The following P2RX6 variants were observed in gnomAD, a reference collection of about 807,000 sequenced individuals.
P2RX6 encodes the protein P2X purinoceptor 6.
A neutral mutation model predicts 54.2 loss-of-function variants in P2RX6; 62 were observed. The ratio of observed to expected loss-of-function variants is 1.14; its 90% CI spans 0.93 to 1.41. The LOEUF (loss-of-function observed/expected upper bound fraction) is 1.41. Among genes scored for constraint, P2RX6 ranks in the 40% most tolerant of loss-of-function variants. P2RX6 has a pLI of 0.00. For synonymous variants in P2RX6, 211 were observed against 231.9 expected, an observed-to-expected ratio of 0.91 and a Z score of 0.82; for missense variants, 541 against 566.3, an observed-to-expected ratio of 0.96 and a Z score of 0.45.
At chr22:21,020,643 T>A (rs1251848029) in intron 3 of P2RX6, among the ~76,000 whole-genome samples, 2 of 145,846 alleles carry the variant, frequency 1.4e-5, no homozygotes, top group Non-Finnish European at 3.0e-5. Flanking sequence ...CAGGCTGGAG[T>A]GCAGTGGCGT....
At chr22:21,023,959 G>T (rs1398314433) in intron 8 of P2RX6, among the ~76,000 whole-genome samples, 16 of 142,366 alleles carry the variant, frequency 1.1e-4, no homozygotes, top group South Asian at 2.2e-4. Context: ...CTTCAGCTTT[G>T]TTTTTTTTTT....
At chr22:21,011,796 A>G (rs1778171604), upstream of P2RX6, among the ~76,000 whole-genome samples, 1 of 152,060 alleles carries the variant, frequency 6.6e-6, no homozygotes, top group Non-Finnish European at 1.5e-5. Context: ...TGTGCCCACC[A>G]GCTTCTGTGT....
chr22:21,022,129 A>T (rs902268438), intron 3 of P2RX6, among the ~76,000 whole-genome samples: 2 of 152,156 alleles, frequency 1.3e-5, no homozygotes, highest in African/African-American at 2.4e-5. Context: ...GCACTCTGGG[A>T]GGCTGAGACA....
At chr22:21,016,924 A>G (rs1355866964) in intron 2 of P2RX6, among the ~76,000 whole-genome samples, 1 of 152,012 alleles carries the variant, frequency 6.6e-6, no homozygotes, top group Non-Finnish European at 1.5e-5. Context: ...TCCAAAGATC[A>G]ATTATTTTCC....
Position 21,023,369 on chromosome 22 carries a change from G to C in P2RX6, c.733G>C (p.Asp245His). ...CTACTGTCCCGTGTTCCGCATTGGG[G>C]ACCTCGTGGCCAAGGCTGGAGGGAC... ...SPYCPVFRIG[D>H]LVAKAGGTFE... The change falls in exon 7 of 12, where the codon GAC (aspartate) becomes CAC (histidine). Residue 245 changes from aspartate (D) to histidine (H), a missense_variant. This residue lies in a region of P2RX6 where 526 missense variants were observed against 531.5 expected (regional missense o/e 0.99). Coordinates refer to ENST00000413302, the MANE Select transcript of P2RX6 (RefSeq NM_005446.5). The C allele has an allele frequency of 9.3e-6, 15 of 1,614,030 alleles. No homozygotes were observed. The highest frequency in any genetic ancestry group is 1.3e-5 in the Non-Finnish European group (15 of 1,179,906).
At chr22:21,016,231 A>G in intron 2 of P2RX6, 139 bp downstream of exon 2, 1 of 891,884 alleles carries the variant, frequency 1.1e-6, no homozygotes, top group Non-Finnish European at 1.7e-6. Context: ...AGGGCTTCAC[A>G]GAGGAGTGGC....
chr22:21,023,411 T>C lies in P2RX6; in HGVS notation c.775T>C (p.Leu259=). The C allele has an allele frequency of 1.2e-6, 2 of 1,613,980 alleles. No individual in the cohort carries two copies. Among genetic ancestry groups the C allele is most frequent in the Non-Finnish European group, 1.7e-6 (2 of 1,179,872 alleles). Residue 259 remains leucine, a synonymous_variant, in exon 7 of 12, where the codon TTG becomes CTG. Coordinates refer to ENST00000413302, the MANE Select transcript of P2RX6 (RefSeq NM_005446.5). ...KAGGTFEDLA[L]LGGSVGIRVH... is the part of the protein sequence containing the mutation. ...TGGAGGGACCTTCGAGGACCTGGCG[T>C]TGCTGGTGGGTCCCAAGTTGGGGGC...
At chr22:21,017,860 C>T (rs1926677680) in intron 2 of P2RX6, 129 bp from the exon 3 acceptor site, 2 of 715,522 alleles carry the variant, frequency 2.8e-6, no homozygotes, top group Admixed American at 2.0e-5. Flanking sequence ...CTTCAGTCTG[C>T]CTTACAGGGG....
upstream of P2RX6, among the ~76,000 whole-genome samples, chr22:21,012,333 G>A (rs993826962): frequency 6.6e-6 from 1 of 152,150 alleles, no homozygotes; most frequent in African/African-American, 2.4e-5. Context: ...GAAGGGACTT[G>A]TATCCAGCAT....
At chr22:21,015,100 C>T, upstream of P2RX6, 1 of 894,912 alleles carries the variant, frequency 1.1e-6, no homozygotes, top group South Asian at 1.9e-5. Flanking sequence ...GTCCCTTTAA[C>T]AGCAACTGGC....
intron 2 of P2RX6, 179 bp from the exon 3 acceptor site, chr22:21,017,810 C>T (rs551852292): frequency 1.5e-5 from 10 of 685,186 alleles, no homozygotes; most frequent in Non-Finnish European, 2.7e-5. Flanking sequence ...GCTTCCTGGT[C>T]TCAAAAATGG....
chr22:21,010,733 C>T (rs1407083509), upstream of P2RX6, among the ~76,000 whole-genome samples: 1 of 152,078 alleles, frequency 6.6e-6, no homozygotes, highest in Non-Finnish European at 1.5e-5. Context: ...ACCAAGGAAT[C>T]CCAACCATGT....
At chr22:21,024,638 T>C (rs1328437112) in intron 8 of P2RX6, among the ~76,000 whole-genome samples, 1 of 152,056 alleles carries the variant, frequency 6.6e-6, no homozygotes, top group Non-Finnish European at 1.5e-5. Flanking sequence ...TGGCGTGGTC[T>C]TGGCTCACTG....
chr22:21,023,654 G>A lies in P2RX6; in HGVS notation c.890+36G>A, dbSNP rs113051643. 324 of 1,474,530 alleles carry A rather than the reference G, an allele frequency of 2.2e-4. No individual in the cohort carries two copies. In the African/African-American group the frequency reaches 3.7e-3, roughly 17 times the overall value. 91.3% of individuals were successfully genotyped at this position (1,474,530 alleles called of 1,614,324 possible). ...ACTGCTCCCAGTGCCCAGCTGCTGG[G>A]CCCATCGCCCTCTCACTGTGGCGGC... is the stretch of plus-strand genomic sequence containing the variant. On this transcript the variant is annotated intron_variant, in intron 8 of 11. Transcript: ENST00000413302.
intron 2 of P2RX6, among the ~76,000 whole-genome samples, chr22:21,016,943 C>T (rs1465425071): frequency 6.6e-6 from 1 of 152,182 alleles, no homozygotes; most frequent in Non-Finnish European, 1.5e-5. Flanking sequence ...CCTCTCCTGG[C>T]ATGGCCTCTG....
chr22:21,021,880 AG>A (rs1927463204), intron 3 of P2RX6, among the ~76,000 whole-genome samples: 1 of 152,102 alleles, frequency 6.6e-6, no homozygotes, highest in Non-Finnish European at 1.5e-5. Flanking sequence ...TCCCTCAGCA[AG>A]GGTGTGGGGT....
Position 21,022,668 on chromosome 22 carries a change from C to T in P2RX6, c.388-8C>T, listed in dbSNP as rs1231190786. The T allele has an allele frequency of 2.0e-6, 3 of 1,525,620 alleles. No individual in the cohort carries two copies. The highest frequency in any genetic ancestry group is 1.4e-5 in the African/African-American group (1 of 72,270). The allele number at this position is 1,525,620 out of a possible 1,614,324, so 94.5% of individuals were successfully genotyped here. On this transcript the variant is annotated splice_polypyrimidine_tract_variant and splice_region_variant and intron_variant, in intron 3 of 11. Transcript: ENST00000413302. ...TGCCATTGGTGACTGCTCTCTCTCC[C>T]ACCTCAGCACCCGTCCGTCCCACTG...
Position 21,026,605 on chromosome 22 carries a change from CG to C in P2RX6, c.1317del (p.Ser440AlafsTer39). The C allele has an allele frequency of 6.3e-7, 1 of 1,584,200 alleles. No individual in the cohort carries two copies. The highest frequency in any genetic ancestry group is 8.6e-7 in the Non-Finnish European group (1 of 1,166,388). ...SSDTHLPTHSGSL is the reference protein window; with the variant it reads ...SSDTHLPTHSXSL The stretch of plus-strand genomic sequence containing the variant: ...CTGACACCCACTTGCCAACCCATTC[CG>C]GGAGCCTGTAGCCGTTCCCTGCTGG... On this transcript the variant is annotated frameshift_variant, in exon 12 of 12. Transcript: ENST00000413302. LOFTEE classifies it high-confidence loss of function. The surrounding 1 kb of genome is among the most constrained non-coding windows in gnomAD (Gnocchi z 4.0).
chr22:21,014,894 C>T, upstream of P2RX6: 1 of 363,244 alleles, frequency 2.8e-6, no homozygotes, highest in African/African-American at 2.1e-5. Context: ...AACAGCTGTC[C>T]GTCTCCACCC....
Sources: allele counts gnomAD v4.1 joint callset (sites outside exome capture counted in the v4.1 genomes callset), GRCh38; gene constraint gnomAD v4.1.1; regional missense constraint gnomAD v4.1.1; non-coding constraint Gnocchi (gnomAD v3.1); transcripts MANE v1.5; gene names NCBI Gene and HGNC (gene_info 2026-07-23, HGNC 2026-07-21).